PXDNL: variants seen among roughly 807,000 people sequenced by gnomAD.
PXDNL encodes the protein peroxidasin like.
Under a neutral mutation model 150.8 loss-of-function variants are expected in PXDNL, and 145 were observed. That is an observed-to-expected ratio of 0.96 (90% CI 0.84 to 1.10). The LOEUF is 1.10. Among genes scored for constraint, PXDNL ranks in the 50% least tolerant of loss-of-function variants. The pLI, the probability that PXDNL is intolerant of heterozygous loss-of-function variation, is 0.00. For missense variants in PXDNL, 2,087 were observed against 1,873.9 expected (o/e 1.11, Z -2.10); for synonymous variants, 757 against 725.7 (o/e 1.04, Z -0.69).
In PXDNL at chr8:51,408,725, G is replaced by C. The variant is rs750719407; in HGVS notation, c.2899C>G (p.Leu967Val). 6.3e-7 allele frequency: 1 copy of C among 1,592,268 alleles called. No individual in the cohort carries two copies. ...AACCACAGGGTGTGCATGGCGGCCA[G>C]AGCCAGATGCTCGTTGGCCCGGTGG... ...GDHRANEHLA[L>V]AAMHTLWFRE... The change falls in exon 17 of 23, where the codon CTG (leucine) becomes GTG (valine). Residue 967 changes from leucine to valine, a missense_variant. Transcript: ENST00000356297.
At chr8:51,484,168 G>A (rs1426450912) in intron 5 of PXDNL, among the ~76,000 whole-genome samples, 3 of 151,990 alleles carry the variant, frequency 2.0e-5, no homozygotes, top group Non-Finnish European at 4.4e-5. Flanking sequence ...CAGGCGTGGT[G>A]GCTCACGCCT....
intron 12 of PXDNL, among the ~76,000 whole-genome samples, chr8:51,433,199 A>G (rs1455318097): frequency 6.9e-6 from 1 of 145,446 alleles, no homozygotes. Context: ...ACAGAGTAAG[A>G]CTCTATCTCA....
chr8:51,715,782 A>C (rs910793139), intron 1 of PXDNL, among the ~76,000 whole-genome samples: 4 of 152,156 alleles, frequency 2.6e-5, no homozygotes, highest in South Asian at 2.1e-4. Flanking sequence ...CAGTAACCTA[A>C]GGCAGGAGTA....
At chr8:51,350,269 G>A (rs1181997488) in intron 19 of PXDNL, among the ~76,000 whole-genome samples, 1 of 151,588 alleles carries the variant, frequency 6.6e-6, no homozygotes, top group East Asian at 1.9e-4. Flanking sequence ...GGGCCCAGGG[G>A]ATTGGTCTGA....
intron 4 of PXDNL, among the ~76,000 whole-genome samples, chr8:51,531,247 T>C (rs971133247): frequency 6.6e-6 from 1 of 152,254 alleles, no homozygotes; most frequent in Non-Finnish European, 1.5e-5. Context: ...GAAGGAGTTA[T>C]AATTTTGCCC....
chr8:51,428,626 C>T (rs1412027916), intron 12 of PXDNL, among the ~76,000 whole-genome samples: 2 of 152,062 alleles, frequency 1.3e-5, no homozygotes, highest in African/African-American at 4.8e-5. Flanking sequence ...AGCCTTTCAA[C>T]CAACGGTAAA....
chr8:51,502,149 C>A (rs962120387), intron 4 of PXDNL, among the ~76,000 whole-genome samples: 1 of 152,214 alleles, frequency 6.6e-6, no homozygotes, highest in Admixed American at 6.5e-5. Context: ...TTTGCAACTA[C>A]ACTGTGTGGT....
At position 51,409,018 on chromosome 8, in the gene PXDNL, C is replaced by A. The variant is rs1808533657; in HGVS notation, c.2606G>T (p.Cys869Phe). Residue 869 changes from cysteine to phenylalanine, a missense_variant, in exon 17 of 23, where the codon TGT (cysteine) becomes TTT (phenylalanine). Cys to Phe is a radical substitution (Grantham distance 205, BLOSUM62 -2). Coordinates refer to ENST00000356297, the MANE Select transcript of PXDNL (RefSeq NM_144651.5). ...CGTCGCAGAGGGACGGCCGCTGGCA[C>A]ACGCGGGGCTGGAGCGCGCGAAGAG... ...CMLFARSSPACASGRPSATVD... is the reference protein window; with the variant it reads ...CMLFARSSPAFASGRPSATVD... 13 of 1,610,998 alleles carry A rather than the reference C, an allele frequency of 8.1e-6. No homozygotes were observed. Among genetic ancestry groups the A allele is most frequent in the Non-Finnish European group, 1.0e-5 (12 of 1,179,832 alleles).
At chr8:51,733,812 A>AATAT (rs9298461) in intron 1 of PXDNL, among the ~76,000 whole-genome samples, 62 of 138,398 alleles carry the variant, frequency 4.5e-4, no homozygotes, top group African/African-American at 1.6e-3. Context: ...TGTCTCAAAT[A>AATAT]ATATATATAT....
At chr8:51,325,488 G>A (rs1464462694) in intron 21 of PXDNL, among the ~76,000 whole-genome samples, 1 of 152,148 alleles carries the variant, frequency 6.6e-6, no homozygotes, top group Non-Finnish European at 1.5e-5. Context: ...TCCCTGTCAG[G>A]CCACCTCATA....
At chr8:51,640,684 A>T (rs1377832627) in intron 2 of PXDNL, among the ~76,000 whole-genome samples, 2 of 152,204 alleles carry the variant, frequency 1.3e-5, no homozygotes, top group African/African-American at 4.8e-5. Flanking sequence ...ACTACAAAAC[A>T]CTGCTCAGTG....
chr8:51,683,423 T>C (rs1426438132), intron 1 of PXDNL, among the ~76,000 whole-genome samples: 4 of 151,772 alleles, frequency 2.6e-5, no homozygotes, highest in Non-Finnish European at 5.9e-5. Flanking sequence ...AGATTTTTGC[T>C]TCTTTTTGCT....
intron 1 of PXDNL, among the ~76,000 whole-genome samples, chr8:51,693,688 T>C (rs1816051345): frequency 6.6e-6 from 1 of 152,120 alleles, no homozygotes; most frequent in Admixed American, 6.5e-5. Flanking sequence ...AAGGATCAAT[T>C]GAGCAAGGGA....
At chr8:51,685,613 C>T (rs1815856231) in intron 1 of PXDNL, among the ~76,000 whole-genome samples, 1 of 152,102 alleles carries the variant, frequency 6.6e-6, no homozygotes, top group African/African-American at 2.4e-5. Context: ...CAATTTTAAC[C>T]CTTTCTTTGT....
intron 3 of PXDNL, among the ~76,000 whole-genome samples, chr8:51,578,013 GGAAGGA>G (rs1813119537): frequency 1.3e-4 from 12 of 95,342 alleles, no homozygotes; most frequent in African/African-American, 5.1e-4. Flanking sequence ...AAGGAAGGAA[GGAAGGA>G]AGGAAGGAAG....
intron 1 of PXDNL, among the ~76,000 whole-genome samples, chr8:51,772,403 A>T (rs1426963137): frequency 6.6e-6 from 1 of 152,040 alleles, no homozygotes; most frequent in Non-Finnish European, 1.5e-5. Context: ...TTTTTTCAGA[A>T]GAAGATTCTG....
intron 7 of PXDNL, among the ~76,000 whole-genome samples, chr8:51,473,864 A>G (rs1159903193): frequency 2.0e-5 from 3 of 152,158 alleles, no homozygotes; most frequent in African/African-American, 2.4e-5. Flanking sequence ...AGGAACCTGT[A>G]TAAGGATTAT....
chr8:51,339,225 CAAG>C (rs1410042110), intron 21 of PXDNL, among the ~76,000 whole-genome samples: 1 of 152,160 alleles, frequency 6.6e-6, no homozygotes, highest in Non-Finnish European at 1.5e-5. Context: ...TTTGGGAGGC[CAAG>C]GAGGGCAAAT....
chr8:51,580,733 A>C (rs1045736358), intron 3 of PXDNL, among the ~76,000 whole-genome samples: 14 of 152,324 alleles, frequency 9.2e-5, no homozygotes, highest in African/African-American at 3.1e-4. Flanking sequence ...ACTTTGTAGA[A>C]TAGAAGGATA....
Sources: gnomAD v4.1 joint callset for allele counts (sites outside exome capture counted in the v4.1 genomes callset) on GRCh38, gnomAD v4.1.1 for gene constraint, MANE v1.5 for transcripts, NCBI Gene and HGNC (gene_info 2026-07-23, HGNC 2026-07-21) for gene names.